Variants in ACER3 observed in about 807,000 individuals in gnomAD.
The protein encoded by ACER3 is alkCDase 3.
ACER3 carries 16 observed loss-of-function variants against 48.9 expected under a neutral mutation model. That is an observed-to-expected ratio of 0.33 (90% confidence interval 0.22 to 0.50). ACER3 has a LOEUF of 0.50. Ranked by LOEUF, ACER3 falls within the 20% of genes least tolerant of loss-of-function variation. The pLI is 0.98. For synonymous variants in ACER3, 109 were observed against 107.8 expected (o/e 1.01, Z -0.07); for missense variants, 227 against 326.0 (o/e 0.70, Z 2.34).
intron 1 of ACER3, among the ~76,000 whole-genome samples, chr11:76,901,988 C>G (rs1946093829): frequency 6.6e-6 from 1 of 152,212 alleles, no homozygotes; most frequent in African/African-American, 2.4e-5. Context: ...TAACCTATCC[C>G]TTCCTGCCTT....
At chr11:76,862,615 T>G (rs1369626307) in intron 1 of ACER3, among the ~76,000 whole-genome samples, 2 of 152,190 alleles carry the variant, frequency 1.3e-5, no homozygotes, top group African/African-American at 4.8e-5. Flanking sequence ...TTCAAGAGTC[T>G]TCAAATATTG....
Position 76,872,874 on chromosome 11 carries a change from T to C in ACER3, c.103+11795T>C, listed in dbSNP as rs1945275863. On this transcript the variant is annotated intron_variant, in intron 1 of 10. Transcript: ENST00000532485. ...GCCTTAGAGTCTGCATTCCTTTTTT[T>C]CTTTTTCTTTTCTTTCTTTCTTTCT... is the stretch of plus-strand genomic sequence containing the variant. 1.3e-5 allele frequency among the ~76,000 whole-genome samples: 2 copies of C among 151,688 alleles called. 1 individual carries two copies. The highest frequency in any genetic ancestry group is 4.2e-4 in the South Asian group (2 of 4,806).
chr11:76,894,882 T>C (rs538260774), intron 1 of ACER3, among the ~76,000 whole-genome samples: 1 of 152,306 alleles, frequency 6.6e-6, no homozygotes, highest in East Asian at 1.9e-4. Context: ...AGGATCTTAA[T>C]CTGCATGGAG....
In ACER3 at chr11:76,873,390, G is replaced by T. The variant is rs1334843629; in HGVS notation, c.103+12311G>T. 2.6e-5 allele frequency among the ~76,000 whole-genome samples: 4 copies of T among 152,330 alleles called. No homozygotes were observed. The East Asian group carries it at 7.7e-4, about 29-fold the overall frequency. ...CAGTTTGTTAAGGATCACAGGGCTGGTACTGGAACCTGGGTTTCTAACTTT... is the reference window on the plus strand; with the variant it reads ...CAGTTTGTTAAGGATCACAGGGCTGTTACTGGAACCTGGGTTTCTAACTTT... On this transcript the variant is annotated intron_variant, in intron 1 of 10. Transcript: ENST00000532485.
chr11:76,861,214 C>G, intron 1 of ACER3, 135 bp downstream of exon 1: 1 of 804,942 alleles, frequency 1.2e-6, no homozygotes, highest in South Asian at 1.9e-5. Flanking sequence ...AATGCGGCGC[C>G]CTGGGCCAGC....
chr11:76,992,885 T>C (rs914672010), intron 6 of ACER3, among the ~76,000 whole-genome samples: 1 of 152,012 alleles, frequency 6.6e-6, no homozygotes, highest in Non-Finnish European at 1.5e-5. Context: ...TTTTTTTTTT[T>C]TGAAATAGAG....
chr11:76,894,140 G>A (rs1017432430), intron 1 of ACER3, among the ~76,000 whole-genome samples: 3 of 152,076 alleles, frequency 2.0e-5, no homozygotes, highest in Non-Finnish European at 2.9e-5. Flanking sequence ...TTAGCTGGGC[G>A]TGGTGGTACA....
chr11:77,001,446 C>T (rs1555019796), intron 7 of ACER3, among the ~76,000 whole-genome samples: 4 of 152,008 alleles, frequency 2.6e-5, no homozygotes, highest in South Asian at 4.2e-4. Context: ...TTAGTAGAGA[C>T]GGAGTTTCAC....
Position 76,875,285 on chromosome 11 carries a change from C to T in ACER3, c.103+14206C>T, listed in dbSNP as rs184215342. Among the ~76,000 whole-genome samples, 241 of 151,130 alleles carry T rather than the reference C, an allele frequency of 1.6e-3. 2 individuals are homozygous for T. Among genetic ancestry groups the T allele is most frequent in the East Asian group, 5.1e-3 (26 of 5,126 alleles). ...CAGGCCACTACACCGGGCTAATTTT[C>T]GTATTTTTAGTAGAGATGGGGTTTC... On this transcript the variant is annotated intron_variant, in intron 1 of 10. Coordinates refer to ENST00000532485, the MANE Select transcript of ACER3 (RefSeq NM_018367.7).
chr11:76,971,046 T>G (rs942495521), intron 3 of ACER3, among the ~76,000 whole-genome samples: 1 of 152,246 alleles, frequency 6.6e-6, no homozygotes, highest in Non-Finnish European at 1.5e-5. Flanking sequence ...CAAGAAGTAC[T>G]TAATTTTTTT....
chr11:76,916,185 G>T (rs1220180128), intron 1 of ACER3, among the ~76,000 whole-genome samples: 1 of 152,136 alleles, frequency 6.6e-6, no homozygotes, highest in African/African-American at 2.4e-5. Flanking sequence ...TTGGGGTGAA[G>T]GATGAATCTG....
intron 1 of ACER3, among the ~76,000 whole-genome samples, chr11:76,914,522 G>A (rs187474986): frequency 3.9e-5 from 6 of 152,188 alleles, no homozygotes; most frequent in East Asian, 1.9e-4. Context: ...TTAGAATGGC[G>A]ATCATTAAAA....
At chr11:76,938,775 A>G (rs1372699981) in intron 2 of ACER3, among the ~76,000 whole-genome samples, 2 of 151,764 alleles carry the variant, frequency 1.3e-5, no homozygotes, top group Non-Finnish European at 2.9e-5. Context: ...CAAATGCTCT[A>G]TTGTCTGAAA....
intron 2 of ACER3, among the ~76,000 whole-genome samples, chr11:76,935,134 G>C (rs1343877957): frequency 1.3e-5 from 2 of 152,230 alleles, no homozygotes; most frequent in East Asian, 1.9e-4. Context: ...GGAGAGTAGA[G>C]TCTACTGAAT....
chr11:76,914,794 C>T (rs183602924), intron 1 of ACER3, among the ~76,000 whole-genome samples: 2 of 152,164 alleles, frequency 1.3e-5, no homozygotes, highest in East Asian at 1.9e-4. Context: ...TTGGAACCAA[C>T]CCAGATGTCC....
intron 3 of ACER3, among the ~76,000 whole-genome samples, chr11:76,970,297 T>C (rs1262008395): frequency 6.6e-6 from 1 of 152,210 alleles, no homozygotes; most frequent in East Asian, 1.9e-4. Flanking sequence ...TTGGTTTACA[T>C]ATGCCATCTA....
At chr11:76,961,626 G>A (rs1008754612) in intron 3 of ACER3, among the ~76,000 whole-genome samples, 1 of 151,038 alleles carries the variant, frequency 6.6e-6, no homozygotes, top group Middle Eastern at 3.5e-3. Context: ...AAAAAATTAT[G>A]GGAATATGTC....
At chr11:77,016,301 A>G (rs782575626) in intron 8 of ACER3, among the ~76,000 whole-genome samples, 10 of 152,156 alleles carry the variant, frequency 6.6e-5, no homozygotes, top group Non-Finnish European at 1.2e-4. Context: ...CGAATCTTTT[A>G]TGATATTAAG....
chr11:76,863,977 T>C (rs1383519358), intron 1 of ACER3, among the ~76,000 whole-genome samples: 2 of 152,202 alleles, frequency 1.3e-5, no homozygotes, highest in Non-Finnish European at 2.9e-5. Flanking sequence ...AAGACAGATA[T>C]GAAATACTAT....
Sources: allele counts gnomAD v4.1 joint callset (sites outside exome capture counted in the v4.1 genomes callset), GRCh38; gene constraint gnomAD v4.1.1; transcripts MANE v1.5; gene names NCBI Gene and HGNC (gene_info 2026-07-23, HGNC 2026-07-21).